SFPQ: variants seen among roughly 807,000 people sequenced by gnomAD.
SFPQ encodes splicing factor proline and glutamine rich.
Under a neutral mutation model 72.9 loss-of-function variants are expected in SFPQ, and 11 were observed. The ratio of observed to expected loss-of-function variants is 0.15; its 90% CI spans 0.09 to 0.25. SFPQ has a LOEUF of 0.25. Ranked by LOEUF, SFPQ falls within the 10% of genes least tolerant of loss-of-function variation. SFPQ has a pLI of 1.00. For missense variants in SFPQ, 847 were observed against 993.3 expected (o/e 0.85, Z 1.98); for synonymous variants, 506 against 367.3 (o/e 1.38, Z -4.32).
downstream of SFPQ, chr1:35,182,189 T>G (rs1639495555): frequency 1.0e-6 from 1 of 985,262 alleles, no homozygotes. Flanking sequence ...ACATTCAAAG[T>G]TCACCCTCTG....
At chr1:35,187,291 C>T (rs762469692) in intron 7 of SFPQ, 40 bp from the exon 8 acceptor site, 3 of 1,576,384 alleles carry the variant, frequency 1.9e-6, no homozygotes, top group Non-Finnish European at 2.6e-6. Flanking sequence ...CTGCACTATA[C>T]CCACAGCAAG....
At chr1:35,181,883 T>C (rs188834586), downstream of SFPQ, 2 of 985,222 alleles carry the variant, frequency 2.0e-6, no homozygotes, top group South Asian at 4.7e-5. Flanking sequence ...CAACCCTGAG[T>C]ACATTGCTGT....
At chr1:35,180,048 T>C (rs1639402479), downstream of SFPQ, 1 of 1,054,050 alleles carries the variant, frequency 9.5e-7, no homozygotes, top group Non-Finnish European at 1.1e-6. Context: ...ATGGACTACA[T>C]GTTAAAGTAC....
chr1:35,187,195 A>G lies in SFPQ; in HGVS notation c.1864+8T>C. 1 of 1,614,058 alleles carries G rather than the reference A, an allele frequency of 6.2e-7. No homozygotes were observed. The highest frequency in any genetic ancestry group is 1.1e-5 in the South Asian group (1 of 91,078). ...TACTTATATCATTAATTTAAATTTC[A>G]CACTTACCTCCCATGTTCATTGCTC... On this transcript the variant is annotated splice_region_variant and intron_variant, in intron 8 of 9. Coordinates refer to ENST00000357214, the MANE Select transcript of SFPQ (RefSeq NM_005066.3).
Position 35,192,344 on chromosome 1 carries a change from G to C in SFPQ, c.706C>G (p.Arg236Gly). The C allele has an allele frequency of 7.1e-7, 1 of 1,399,742 alleles. No homozygotes were observed. Among genetic ancestry groups the C allele is most frequent in the Non-Finnish European group, 9.2e-7 (1 of 1,090,964 alleles). The allele number at this position is 1,399,742 out of a possible 1,614,324, so 86.7% of individuals were successfully genotyped here. Residue 236 changes from arginine (R) to glycine (G), a missense_variant, in exon 1 of 10, where the codon CGA becomes GGA. Transcript: ENST00000357214. ...TPGGHPKPPH[R>G]GGGEPRGGRQ... ...CCCCCGCGGGGCTCCCCGCCGCCTC[G>C]ATGCGGCGGCTTGGGGTGGCCGCCA...
chr1:35,182,149 T>C, downstream of SFPQ: 6 of 985,342 alleles, frequency 6.1e-6, no homozygotes, highest in Non-Finnish European at 7.2e-6. Flanking sequence ...AGGCAGATTT[T>C]CCCATTTCCC....
rs904800546 is a variant in SFPQ, at chr1:35,183,919, A to T, written c.*537T>A. ...CAGCGTGCTTCCTATATGCCAAACAAATCATCAAACTACTTCAATATGCAT... is the reference window on the plus strand; with the variant it reads ...CAGCGTGCTTCCTATATGCCAAACATATCATCAAACTACTTCAATATGCAT... On this transcript the variant is annotated 3_prime_UTR_variant, in exon 10 of 10. Coordinates refer to ENST00000357214, the MANE Select transcript of SFPQ (RefSeq NM_005066.3). The T allele has an allele frequency of 1.0e-5, 11 of 1,050,936 alleles. No homozygotes were observed. Among genetic ancestry groups the T allele is most frequent in the African/African-American group, 6.6e-5 (4 of 60,374 alleles). The allele number at this position is 1,050,936 out of a possible 1,614,324, so 65.1% of individuals were successfully genotyped here.
At chr1:35,182,697 T>C, downstream of SFPQ, 1 of 985,400 alleles carries the variant, frequency 1.0e-6, no homozygotes, top group Non-Finnish European at 1.2e-6. Context: ...GAAGACACAT[T>C]CCATAGTAAG....
At position 35,192,883 on chromosome 1, in the gene SFPQ, G is replaced by A; in HGVS notation, c.167C>T (p.Pro56Leu). The change falls in exon 1 of 10, where the codon CCT (proline) becomes CTT (leucine). Residue 56 changes from proline to leucine, a missense_variant. Physicochemically the swap from Pro to Leu is moderately conservative, Grantham distance 98. This residue lies in a region of SFPQ where 498 missense variants were observed against 405.1 expected (regional missense o/e 1.23). Coordinates refer to ENST00000357214, the MANE Select transcript of SFPQ (RefSeq NM_005066.3). ...PMGPGPGQSG[P>L]KPPIPPPPPH... is the part of the protein sequence containing the mutation. ...AGGCGGTGGCGGGATCGGAGGCTTA[G>A]GGCCGCTCTGGCCCGGGCCAGGACC... 1 of 1,543,164 alleles carries A rather than the reference G, an allele frequency of 6.5e-7. No individual in the cohort carries two copies. The highest frequency in any genetic ancestry group is 8.7e-7 in the Non-Finnish European group (1 of 1,153,658).
chr1:35,187,377 A>AT (rs1327529925), intron 7 of SFPQ, 126 bp from the exon 8 acceptor site: 1 of 905,684 alleles, frequency 1.1e-6, no homozygotes, highest in Non-Finnish European at 1.8e-6. Context: ...CATGTGAATT[A>AT]TTTTTGAAAT....
chr1:35,187,689 C>A (rs1350471664), intron 7 of SFPQ, among the ~76,000 whole-genome samples: 1 of 151,862 alleles, frequency 6.6e-6, no homozygotes, highest in Non-Finnish European at 1.5e-5. Flanking sequence ...CAAGATCAAG[C>A]CACTGCACTC....
In SFPQ at chr1:35,192,552, T is replaced by C; in HGVS notation, c.498A>G (p.Pro166=). 7.6e-7 allele frequency: 1 copy of C among 1,323,324 alleles called. No homozygotes were observed. Among genetic ancestry groups the C allele is most frequent in the Non-Finnish European group, 9.6e-7 (1 of 1,042,686 alleles). The allele number at this position is 1,323,324 out of a possible 1,614,324, so 82.0% of individuals were successfully genotyped here. The stretch of plus-strand genomic sequence containing the variant: ...GGACCCCGCTGCTTGGCGGGGTGGG[T>C]GGCGGCGCCCCGGGAGGGGCCGAGG... ...AVTSAPPGAP[P]PTPPSSGVPT... Residue 166 remains proline, a synonymous_variant, in exon 1 of 10, where the codon CCA becomes CCG. Transcript: ENST00000357214.
chr1:35,190,938 C>T lies in SFPQ; in HGVS notation c.1075G>A (p.Gly359Ser). The T allele has an allele frequency of 1.2e-6, 2 of 1,614,150 alleles. No homozygotes were observed. Among genetic ancestry groups the T allele is most frequent in the Non-Finnish European group, 1.7e-6 (2 of 1,180,016 alleles). Residue 359 changes from glycine (G) to serine (S), a missense_variant, in exon 3 of 10, where the codon GGT becomes AGT. Transcript: ENST00000357214. ...KAELDDTPMR[G>S]RQLRVRFATH... Reference sequence around the variant, plus strand: ...GCAAAGCGAACTCGAAGCTGTCTACCTCTCATGGGTGTATCATCCAGTTCG... The same window carrying T: ...GCAAAGCGAACTCGAAGCTGTCTACTTCTCATGGGTGTATCATCCAGTTCG...
chr1:35,178,769 T>C (rs188989085), downstream of SFPQ: 24 of 1,054,394 alleles, frequency 2.3e-5, no homozygotes, highest in Admixed American at 3.3e-4. Context: ...AAAGGGTATA[T>C]GAAGTAAGAG....
rs183974568 is a variant in SFPQ, at chr1:35,184,346, C to T, written c.*110G>A. 2.3e-5 allele frequency: 35 copies of T among 1,542,288 alleles called. No homozygotes were observed. In the East Asian group the frequency reaches 8.1e-4, roughly 36 times the overall value. ...CATTTACAAATATTAGGTCAATAAA[C>T]TGCTAACATCCATAAAAAGATAGCT... On this transcript the variant is annotated 3_prime_UTR_variant, in exon 10 of 10. Coordinates refer to ENST00000357214, the MANE Select transcript of SFPQ (RefSeq NM_005066.3).
At chr1:35,191,106 A>C in intron 2 of SFPQ, 111 bp from the exon 3 acceptor site, 1 of 1,032,038 alleles carries the variant, frequency 9.7e-7, no homozygotes, top group Non-Finnish European at 1.4e-6. Flanking sequence ...CAGTTCGACC[A>C]TTACCTTTAG....
rs755926754 is a variant in SFPQ at position 35,192,766 on chromosome 1, T to C, written c.284A>G (p.Gln95Arg). 6.7e-7 allele frequency: 1 copy of C among 1,499,924 alleles called. No individual in the cohort carries two copies. The highest frequency in any genetic ancestry group is 8.8e-7 in the Non-Finnish European group (1 of 1,130,204). The allele number at this position is 1,499,924 out of a possible 1,614,324, so 92.9% of individuals were successfully genotyped here. A position where few individuals can be genotyped will look rare whatever the true frequency, so the allele number is the denominator to read the frequency against. Residue 95 changes from glutamine to arginine, a missense_variant, in exon 1 of 10, where the codon CAG (glutamine) becomes CGG (arginine). This residue lies in a region of SFPQ where 498 missense variants were observed against 405.1 expected (regional missense o/e 1.23). Transcript: ENST00000357214. The stretch of plus-strand genomic sequence containing the variant: ...CGGCGGTGGCGGCGGCTGCTGCTGC[T>C]GATGCGGCTGTGGATGCGGCGGCGG... ...HQPPPHPQPH[Q>R]QQQPPPPPQD...
chr1:35,191,583 T>C (rs1449823046), intron 1 of SFPQ, 54 bp from the exon 2 acceptor site: 50 of 1,389,024 alleles, frequency 3.6e-5, no homozygotes, highest in Non-Finnish European at 4.8e-5. Context: ...CAAGTGAAAA[T>C]CCCCAAGATA....
At chr1:35,187,856 G>T in intron 7 of SFPQ, 117 bp downstream of exon 7, 1 of 699,682 alleles carries the variant, frequency 1.4e-6, no homozygotes, top group Non-Finnish European at 2.5e-6. Context: ...AATATACTTT[G>T]TTAGAAAAAA....
Sources: gnomAD v4.1 joint callset for allele counts (sites outside exome capture counted in the v4.1 genomes callset) on GRCh38, gnomAD v4.1.1 for gene constraint, gnomAD v4.1.1 regional missense constraint, MANE v1.5 for transcripts, NCBI Gene and HGNC (gene_info 2026-07-23, HGNC 2026-07-21) for gene names.